The following IARS1 variants were observed in gnomAD, a reference collection of about 807,000 sequenced individuals.
The protein encoded by IARS1 is isoleucyl-tRNA synthetase 1.
Under a neutral mutation model 168.2 loss-of-function variants are expected in IARS1, and 124 were observed. That is an observed-to-expected ratio of 0.74 (90% CI 0.64 to 0.86). The LOEUF (loss-of-function observed/expected upper bound fraction) is 0.86, where lower values mean the gene tolerates loss of function less well. Ranked by LOEUF, IARS1 falls within the 40% of genes least tolerant of loss-of-function variation. IARS1 has a pLI of 0.00. For synonymous variants in IARS1, 532 were observed against 529.4 expected (o/e 1.00, Z -0.07); for missense variants, 1,452 against 1,515.8 (o/e 0.96, Z 0.70).
At chr9:92,272,272 A>G (rs1488219904) in intron 10 of IARS1, among the ~76,000 whole-genome samples, 2 of 152,368 alleles carry the variant, frequency 1.3e-5, no homozygotes, top group Non-Finnish European at 2.9e-5. Flanking sequence ...ACAAGCTGGA[A>G]AGCTGACATG....
At chr9:92,260,622 T>G (rs978279438) in intron 17 of IARS1, among the ~76,000 whole-genome samples, 1 of 152,120 alleles carries the variant, frequency 6.6e-6, no homozygotes, top group Non-Finnish European at 1.5e-5. Context: ...GCCACTACAC[T>G]CTAGCCTGGG....
Position 92,249,920 on chromosome 9 carries a change from C to G in IARS1, c.2554G>C (p.Val852Leu). ...PIKYPLKEIV[V>L]IHQDPEALKD... ...AGAGCTTCTGGATCTTGATGGATAA[C>G]CACAATTTCTTTCAAAGGATACTAG... The change falls in exon 25 of 34, where the codon GTT becomes CTT. Residue 852 changes from valine to leucine, a missense_variant. Coordinates refer to ENST00000443024, the MANE Select transcript of IARS1 (RefSeq NM_002161.6). 1 of 1,604,956 alleles carries G rather than the reference C, an allele frequency of 6.2e-7. No individual in the cohort carries two copies. Among genetic ancestry groups the G allele is most frequent in the South Asian group, 1.1e-5 (1 of 90,714 alleles).
intron 26 of IARS1, among the ~76,000 whole-genome samples, chr9:92,245,291 C>G (rs1829023740): frequency 6.6e-6 from 1 of 152,154 alleles, no homozygotes; most frequent in South Asian, 2.1e-4. Context: ...AAGTCATCAC[C>G]AGTATCTACT....
At chr9:92,217,527 CA>C (rs1838924885) in intron 33 of IARS1, among the ~76,000 whole-genome samples, 1 of 145,032 alleles carries the variant, frequency 6.9e-6, no homozygotes, top group South Asian at 2.2e-4. Flanking sequence ...AGACCACTAG[CA>C]AGACTAATAA....
At chr9:92,237,711 G>A (rs1827742153) in intron 30 of IARS1, among the ~76,000 whole-genome samples, 1 of 151,976 alleles carries the variant, frequency 6.6e-6, no homozygotes, top group South Asian at 2.1e-4. Context: ...TAATGCCCCT[G>A]GTAATTTTCT....
In IARS1 at chr9:92,247,518, C is replaced by A. The variant is rs757914957; in HGVS notation, c.2650G>T (p.Asp884Tyr). Residue 884 changes from aspartate (D) to tyrosine (Y), a missense_variant, in exon 26 of 34, where the codon GAT (aspartate) becomes TAT (tyrosine). Asp to Tyr is a radical substitution (Grantham distance 160). Coordinates refer to ENST00000443024, the MANE Select transcript of IARS1 (RefSeq NM_002161.6). ...AGCCGAATGCCATACTTGTTTTTAT[C>A]TGTAGACAGTGTAACTTTTCGAACA... The part of the protein sequence containing the change: ...LNVRKVTLST[D>Y]KNKYGIRLRA... The A allele has an allele frequency of 1.3e-5, 21 of 1,613,966 alleles. No homozygotes were observed. The highest frequency in any genetic ancestry group is 1.4e-5 in the Non-Finnish European group (16 of 1,180,024).
intron 33 of IARS1, among the ~76,000 whole-genome samples, chr9:92,214,383 CT>C (rs1285730742): frequency 6.6e-6 from 1 of 152,026 alleles, no homozygotes; most frequent in Non-Finnish European, 1.5e-5. Context: ...TGGTGAAACC[CT>C]GTCTCTACTA....
rs1013922156 is a variant in IARS1, at chr9:92,260,220, A to G, written c.1802T>C (p.Met601Thr). The stretch of plus-strand genomic sequence containing the variant: ...TGGATAATTCTTTTTCCGTTTGCTC[A>G]TTTTTTGGCCATCACTTGTAAAACA... Reference protein sequence around the residue: ...GLVLASDGQKMSKRKKNYPDP... With the variant: ...GLVLASDGQKTSKRKKNYPDP... The change falls in exon 18 of 34, where the codon ATG (methionine) becomes ACG (threonine). Residue 601 changes from methionine (M) to threonine (T), a missense_variant. By Grantham distance (81) the Met-to-Thr change is moderately conservative. Transcript: ENST00000443024. 6.2e-7 allele frequency: 1 copy of G among 1,613,740 alleles called. No homozygotes were observed. The highest frequency in any genetic ancestry group is 1.3e-5 in the African/African-American group (1 of 74,942).
intron 20 of IARS1, among the ~76,000 whole-genome samples, chr9:92,256,104 C>T (rs1830678482): frequency 1.3e-5 from 2 of 151,818 alleles, no homozygotes; most frequent in African/African-American, 4.8e-5. Context: ...GCTCTGAACC[C>T]ATGGCTATCC....
rs1377031380 is a variant in IARS1, at chr9:92,223,465, A to G, written c.3434T>C (p.Leu1145Pro). The G allele has an allele frequency of 2.5e-6, 4 of 1,613,052 alleles. No individual in the cohort carries two copies. Among genetic ancestry groups the G allele is most frequent in the Non-Finnish European group, 3.4e-6 (4 of 1,179,626 alleles). The change falls in exon 32 of 34, where the codon CTG (leucine) becomes CCG (proline). Residue 1145 changes from leucine to proline, a missense_variant. Coordinates refer to ENST00000443024, the MANE Select transcript of IARS1 (RefSeq NM_002161.6). ...ETEIQNQTDL[L>P]SLSGKTLCVT... Reference sequence around the variant, plus strand: ...ACAAAGTGTTTTTCCACTAAGACTCAGTAAGTCAGTTTGGTTTTGTATTTC... The same window carrying G: ...ACAAAGTGTTTTTCCACTAAGACTCGGTAAGTCAGTTTGGTTTTGTATTTC...
chr9:92,265,815 A>G (rs1042145731), intron 14 of IARS1, among the ~76,000 whole-genome samples: 3 of 151,716 alleles, frequency 2.0e-5, no homozygotes, highest in African/African-American at 7.3e-5. Context: ...GCACCACCTC[A>G]CCCAGCTAAT....
At chr9:92,226,013 G>C (rs938443111) in intron 31 of IARS1, among the ~76,000 whole-genome samples, 18 of 152,156 alleles carry the variant, frequency 1.2e-4, no homozygotes, top group Non-Finnish European at 1.9e-4. Context: ...TGTGGGATGA[G>C]GTCAGATAGA....
At chr9:92,278,550 T>C (rs1587873688) in intron 7 of IARS1, among the ~76,000 whole-genome samples, 1 of 152,358 alleles carries the variant, frequency 6.6e-6, no homozygotes, top group African/African-American at 2.4e-5. Context: ...TCTTTATTTT[T>C]TCCTTCATAA....
intron 7 of IARS1, among the ~76,000 whole-genome samples, chr9:92,279,750 TTTTCATTTTCCTATACTGA>T: frequency 6.6e-6 from 1 of 152,194 alleles, no homozygotes; most frequent in East Asian, 1.9e-4. Flanking sequence ...ACCCTAAACC[TTTTCATTTTCCTATACTGA>T]AACTCTGTAC....
chr9:92,247,281 A>C (rs1829345603), intron 26 of IARS1, 96 bp downstream of exon 26: 9 of 1,117,580 alleles, frequency 8.1e-6, no homozygotes. Context: ...CAGGACAGGA[A>C]AGGAAAGGAT....
intron 30 of IARS1, among the ~76,000 whole-genome samples, chr9:92,238,695 C>A (rs1827928870): frequency 6.6e-6 from 1 of 151,986 alleles, no homozygotes; most frequent in South Asian, 2.1e-4. Flanking sequence ...TTTTATTTTT[C>A]TAGGGTTTTA....
At chr9:92,258,377 TGAG>T (rs1240966607) in intron 19 of IARS1, among the ~76,000 whole-genome samples, 3 of 152,176 alleles carry the variant, frequency 2.0e-5, no homozygotes, top group Non-Finnish European at 2.9e-5. Flanking sequence ...GCGGATCACC[TGAG>T]GTCTGGAGTT....
intron 22 of IARS1, among the ~76,000 whole-genome samples, chr9:92,251,377 TATATC>T (rs1237315820): frequency 9.9e-5 from 15 of 152,252 alleles, no homozygotes; most frequent in African/African-American, 3.1e-4. Flanking sequence ...GATAAGAACA[TATATC>T]AAACAATTAC....
At chr9:92,247,334 G>T (rs1040678285) in intron 26 of IARS1, 43 bp downstream of exon 26, 1 of 1,572,268 alleles carries the variant, frequency 6.4e-7, no homozygotes, top group South Asian at 1.2e-5. Context: ...GTATCCCTCA[G>T]ACTCAGGACA....
Sources: allele counts gnomAD v4.1 joint callset (sites outside exome capture counted in the v4.1 genomes callset), GRCh38; gene constraint gnomAD v4.1.1; transcripts MANE v1.5; gene names NCBI Gene and HGNC (gene_info 2026-07-23, HGNC 2026-07-21).